The following MAEL variants were observed in gnomAD, a reference collection of about 807,000 sequenced individuals.
MAEL encodes the protein protein maelstrom homolog.
MAEL carries 46 observed loss-of-function variants against 62.0 expected under a neutral mutation model. The ratio of observed to expected loss-of-function variants is 0.74; its 90% CI spans 0.59 to 0.95. The LOEUF (loss-of-function observed/expected upper bound fraction) is 0.95, where lower values mean the gene tolerates loss of function less well. Ranked by LOEUF, MAEL falls within the 40% of genes least tolerant of loss-of-function variation. MAEL has a pLI of 0.00. For synonymous variants in MAEL, 172 were observed against 175.5 expected, an observed-to-expected ratio of 0.98 and a Z score of 0.16; for missense variants, 497 against 526.8, an observed-to-expected ratio of 0.94 and a Z score of 0.55.
intron 5 of MAEL, 92 bp downstream of exon 5, chr1:166,994,161 A>G: frequency 8.5e-7 from 1 of 1,175,854 alleles, no homozygotes; most frequent in Non-Finnish European, 1.2e-6. Flanking sequence ...ATAAAATAAG[A>G]GGAAAATAAC....
chr1:167,019,324 G>C (rs1001880086), intron 10 of MAEL, among the ~76,000 whole-genome samples: 1 of 152,100 alleles, frequency 6.6e-6, no homozygotes, highest in Non-Finnish European at 1.5e-5. Context: ...CACTATCTGT[G>C]TTCACATCAT....
At position 166,984,001 on chromosome 1, in the gene MAEL, CAA is replaced by C. The variant is rs5778528; in HGVS notation, c.-120-5383_-120-5382del. On this transcript the variant is annotated intron_variant, in intron 1 of 12. Transcript: ENST00000622874. Reference sequence around the variant, plus strand: ...TGGTTGACAGAATGAGATCCTGTCTCAAAAAAAAAAAAAAAAAATGGACCTAT... The same window carrying C: ...TGGTTGACAGAATGAGATCCTGTCTCAAAAAAAAAAAAAAAATGGACCTAT... Among the ~76,000 whole-genome samples the C allele has an allele frequency of 8.2e-3, 959 of 117,658 alleles. 7 individuals carry two copies. Among genetic ancestry groups the C allele is most frequent in the African/African-American group, 0.025 (774 of 31,526 alleles). 77.2% of individuals were successfully genotyped at this position (117,658 alleles called of 152,430 possible). A position where few individuals can be genotyped will look rare whatever the true frequency, so the allele number is the denominator to read the frequency against.
intron 8 of MAEL, among the ~76,000 whole-genome samples, chr1:167,015,175 C>G (rs1223002997): frequency 6.6e-6 from 1 of 152,014 alleles, no homozygotes; most frequent in African/African-American, 2.4e-5. Flanking sequence ...TTAGAGAGTA[C>G]TATGCCCAGC....
At chr1:167,015,855 G>A (rs575752447) in intron 8 of MAEL, among the ~76,000 whole-genome samples, 1 of 152,162 alleles carries the variant, frequency 6.6e-6, no homozygotes, top group South Asian at 2.1e-4. Context: ...AGTAAGTTTT[G>A]TGTGGACAAT....
At chr1:167,004,120 A>G in intron 5 of MAEL, 60 bp from the exon 6 acceptor site, 2 of 1,483,236 alleles carry the variant, frequency 1.3e-6, no homozygotes, top group East Asian at 2.3e-5. Flanking sequence ...CCACTTCTAT[A>G]CCTACCCCAT....
Position 167,007,807 on chromosome 1 carries a change from A to G in MAEL, c.845+2410A>G, listed in dbSNP as rs1031607155. On this transcript the variant is annotated intron_variant, in intron 8 of 11. Coordinates refer to ENST00000367872, the MANE Select transcript of MAEL (RefSeq NM_032858.3). ...TTTTTTAGAATTATATGGTACCACT[A>G]TTTTTAAAAAAAGACATACAACTGT... 2.0e-4 allele frequency among the ~76,000 whole-genome samples: 30 copies of G among 152,054 alleles called. 1 individual carries two copies. The highest frequency in any genetic ancestry group is 7.0e-4 in the African/African-American group (29 of 41,424).
In MAEL at chr1:166,997,846, A is replaced by G. The variant is rs569750552; in HGVS notation, c.523+3777A>G. ...TTATAGAGCTTTATTTTTTGTATTC[A>G]AGTTGTTATTCTACCTGGAATTGAC... On this transcript the variant is annotated intron_variant, in intron 5 of 11. Coordinates refer to ENST00000367872, the MANE Select transcript of MAEL (RefSeq NM_032858.3). Among the ~76,000 whole-genome samples, 344 of 152,254 alleles carry G rather than the reference A, an allele frequency of 2.3e-3. 4 individuals are homozygous for G. The highest frequency in any genetic ancestry group is 7.9e-3 in the African/African-American group (328 of 41,552).
chr1:167,007,155 T>C (rs1664949300), intron 8 of MAEL, among the ~76,000 whole-genome samples: 1 of 152,114 alleles, frequency 6.6e-6, no homozygotes, highest in Non-Finnish European at 1.5e-5. Flanking sequence ...GTTTCTCCTT[T>C]TTACCCATTT....
At chr1:166,994,004 TCAA>T (rs2102074333) in intron 4 of MAEL, 21 bp from the exon 5 acceptor site, 2 of 1,607,924 alleles carry the variant, frequency 1.2e-6, no homozygotes, top group Non-Finnish European at 1.7e-6. Context: ...TTTTTGCTTC[TCAA>T]CAAGATATTT....
intron 8 of MAEL, among the ~76,000 whole-genome samples, chr1:167,015,219 T>G (rs1468314775): frequency 6.6e-6 from 1 of 152,150 alleles, no homozygotes; most frequent in Non-Finnish European, 1.5e-5. Flanking sequence ...TTAATTTTTA[T>G]TTTTTGCCGG....
Position 166,992,678 on chromosome 1 carries a change from T to A in MAEL, c.326-8T>A, listed in dbSNP as rs767353264. Reference sequence around the variant, plus strand: ...ATTTATTCATTTTATCTTACAATTTTTTTTTAGCTCTCCTTGGAGGCATTT... The same window carrying A: ...ATTTATTCATTTTATCTTACAATTTATTTTTAGCTCTCCTTGGAGGCATTT... On this transcript the variant is annotated splice_polypyrimidine_tract_variant and splice_region_variant and intron_variant, in intron 3 of 11. Transcript: ENST00000367872. 1 of 1,567,214 alleles carries A rather than the reference T, an allele frequency of 6.4e-7. No homozygotes were observed. The highest frequency in any genetic ancestry group is 8.6e-7 in the Non-Finnish European group (1 of 1,165,052).
At chr1:167,021,563 C>CT (rs1665630361) in intron 11 of MAEL, 105 bp from the exon 12 acceptor site, 1 of 743,014 alleles carries the variant, frequency 1.3e-6, no homozygotes, top group Admixed American at 3.5e-5. Flanking sequence ...TGAATTATGG[C>CT]TTAGTGAAAG....
chr1:167,006,487 A>G (rs1664901088), intron 8 of MAEL, among the ~76,000 whole-genome samples: 1 of 151,618 alleles, frequency 6.6e-6, no homozygotes, highest in Non-Finnish European at 1.5e-5. Flanking sequence ...TCAGTGTGTC[A>G]TATCTGGAGG....
chr1:167,007,907 C>CT (rs553717489), intron 8 of MAEL, among the ~76,000 whole-genome samples: 5 of 151,812 alleles, frequency 3.3e-5, no homozygotes, highest in Non-Finnish European at 7.4e-5. Context: ...TATTTAGGTT[C>CT]TTTTTTCCCC....
intron 5 of MAEL, among the ~76,000 whole-genome samples, chr1:166,999,371 A>G (rs1664566460): frequency 6.6e-6 from 1 of 152,254 alleles, no homozygotes; most frequent in African/African-American, 2.4e-5. Context: ...TGGTCAGAAT[A>G]GATCAACATT....
intron 5 of MAEL, among the ~76,000 whole-genome samples, chr1:166,995,795 C>T (rs568508184): frequency 6.6e-6 from 1 of 152,224 alleles, no homozygotes; most frequent in African/African-American, 2.4e-5. Context: ...TACTATGTGC[C>T]AGACATTCAT....
At chr1:167,000,224 G>A (rs1178080860) in intron 5 of MAEL, among the ~76,000 whole-genome samples, 1 of 152,138 alleles carries the variant, frequency 6.6e-6, no homozygotes, top group Non-Finnish European at 1.5e-5. Flanking sequence ...ACCTGAAAAG[G>A]ATTCACCATT....
At position 167,004,308 on chromosome 1, in the gene MAEL, A is replaced by G. The variant is rs750713613; in HGVS notation, c.648+4A>G. 1 of 1,586,674 alleles carries G rather than the reference A, an allele frequency of 6.3e-7. No homozygotes were observed. The highest frequency in any genetic ancestry group is 2.3e-5 in the East Asian group (1 of 44,386). ...CTGGCCACCTATCTACTGCAAGGTAATTTCAGGTTAAGAAGTTCTTTTAAG... is the reference window on the plus strand; with the variant it reads ...CTGGCCACCTATCTACTGCAAGGTAGTTTCAGGTTAAGAAGTTCTTTTAAG... On this transcript the variant is annotated splice_donor_region_variant and intron_variant, in intron 6 of 11. Transcript: ENST00000367872.
At chr1:167,017,089 TA>T (rs1665427170) in intron 9 of MAEL, among the ~76,000 whole-genome samples, 1 of 152,162 alleles carries the variant, frequency 6.6e-6, no homozygotes, top group Non-Finnish European at 1.5e-5. Flanking sequence ...AGAGTGACTA[TA>T]GTCAATAATA....
Sources: allele counts gnomAD v4.1 joint callset (sites outside exome capture counted in the v4.1 genomes callset), GRCh38; gene constraint gnomAD v4.1.1; transcripts MANE v1.5; gene names NCBI Gene and HGNC (gene_info 2026-07-23, HGNC 2026-07-21).